The following TCERG1 variants were observed in gnomAD, a reference collection of about 807,000 sequenced individuals.
TCERG1 encodes TATA box binding protein (TBP)-associated factor, RNA polymerase II, S, 150kD.
In TCERG1, 37 loss-of-function variants were observed where a neutral mutation model predicts 144.7. The observed-to-expected ratio is 0.26, with a 90% CI of 0.20 to 0.34. The LOEUF is 0.34. Ranked by LOEUF, TCERG1 falls within the 10% of genes least tolerant of loss-of-function variation. TCERG1 has a pLI of 1.00. For synonymous variants in TCERG1, 492 were observed against 458.2 expected (o/e 1.07, Z -0.94); for missense variants, 1,027 against 1,380.7 (o/e 0.74, Z 4.06).
chr5:146,472,701 T>TTGTGTGTGTGTGTGTGTGTGTGTGTGTG lies in TCERG1; in HGVS notation c.1601+1152_1601+1153insGTGTGTGTGTGTGTGTGTGTGTGTGTGT, dbSNP rs59508893. On this transcript the variant is annotated intron_variant, in intron 9 of 22. Transcript: ENST00000679501. ...AAGGAAGAGTCACATACCTCTCACT[T>TTGTGTGTGTGTGTGTGTGTGTGTGTGTG]TGTGTGTGTGTGTGTGTGTGTGTGT... Among the ~76,000 whole-genome samples, 45 of 146,036 alleles carry TTGTGTGTGTGTGTGTGTGTGTGTGTGTG rather than the reference T, an allele frequency of 3.1e-4. 1 individual carries two copies. Among genetic ancestry groups the TTGTGTGTGTGTGTGTGTGTGTGTGTGTG allele is most frequent in the East Asian group, 2.9e-3 (13 of 4,456 alleles).
chr5:146,464,876 T>C (rs1318780291), intron 5 of TCERG1, among the ~76,000 whole-genome samples: 1 of 152,208 alleles, frequency 6.6e-6, no homozygotes, highest in Non-Finnish European at 1.5e-5. Context: ...GGTTGTCTTT[T>C]TCTTTGTGAC....
intron 21 of TCERG1, 78 bp from the exon 22 acceptor site, chr5:146,509,067 T>G: frequency 1.3e-6 from 1 of 765,640 alleles, no homozygotes; most frequent in East Asian, 2.7e-5. Context: ...ACATTACTGT[T>G]TAATAAATAA....
intron 14 of TCERG1, 141 bp downstream of exon 14, chr5:146,482,868 G>A (rs1765485532): frequency 5.0e-6 from 6 of 1,191,202 alleles, no homozygotes; most frequent in Non-Finnish European, 5.5e-6. Flanking sequence ...TACATTTTTT[G>A]CAACAGCCTT....
In TCERG1 at chr5:146,459,051, A is replaced by G. The variant is rs112714517; in HGVS notation, c.606A>G (p.Gln202=). The stretch of plus-strand genomic sequence containing the variant: ...AGGCGCAGGCTCAGGCCCAGGCACA[A>G]GCTCAGGCCCAGGCTCAGGCTCAGG... The part of the protein sequence containing the change: ...QAQAQAQAQA[Q]AQAQAQAQAQ... The change falls in exon 4 of 23, where the codon CAA becomes CAG. Residue 202 remains glutamine, a synonymous_variant. Transcript: ENST00000679501. 2.1e-3 allele frequency: 3,374 copies of G among 1,597,314 alleles called. 21 individuals are homozygous for G. In the African/African-American group the frequency reaches 0.022, roughly 10 times the overall value.
intron 2 of TCERG1, among the ~76,000 whole-genome samples, chr5:146,455,782 G>T (rs576303827): frequency 6.6e-6 from 1 of 152,170 alleles, no homozygotes; most frequent in Non-Finnish European, 1.5e-5. Context: ...CCCCTGGGGG[G>T]AAAATAGGGT....
At chr5:146,503,077 C>G (rs1767629816) in intron 17 of TCERG1, 1 of 159,982 alleles carries the variant, frequency 6.3e-6, no homozygotes, top group African/African-American at 2.4e-5. Flanking sequence ...CTAAAGTTAT[C>G]AACAATCTGA....
At chr5:146,487,537 G>A (rs1189466572) in intron 15 of TCERG1, among the ~76,000 whole-genome samples, 3 of 152,092 alleles carry the variant, frequency 2.0e-5, no homozygotes, top group Admixed American at 6.6e-5. Context: ...CTTGAGGCCA[G>A]GAGTTTGAGA....
intron 16 of TCERG1, among the ~76,000 whole-genome samples, chr5:146,496,896 CAG>C (rs1311955530): frequency 7.0e-5 from 8 of 113,584 alleles, no homozygotes; most frequent in African/African-American, 2.4e-4. Context: ...TTTTTTGAGA[CAG>C]AGTCTTGCTC....
At chr5:146,472,971 C>T (rs1161780836) in intron 9 of TCERG1, among the ~76,000 whole-genome samples, 1 of 152,086 alleles carries the variant, frequency 6.6e-6, no homozygotes, top group Non-Finnish European at 1.5e-5. Flanking sequence ...CCTTGGCCTC[C>T]CAAAGTGCTG....
intron 9 of TCERG1, among the ~76,000 whole-genome samples, chr5:146,475,597 A>G (rs1259470356): frequency 6.6e-6 from 1 of 151,978 alleles, no homozygotes; most frequent in Non-Finnish European, 1.5e-5. Context: ...CGATTAAATC[A>G]TTAACCCATT....
At chr5:146,494,793 G>A (rs184927567) in intron 16 of TCERG1, among the ~76,000 whole-genome samples, 133 of 152,198 alleles carry the variant, frequency 8.7e-4, no homozygotes, top group African/African-American at 2.7e-3. Context: ...AACTGTGCCT[G>A]TCTCTTGTAT....
chr5:146,493,700 C>G (rs41418650), intron 16 of TCERG1, among the ~76,000 whole-genome samples: 7,879 of 152,012 alleles, frequency 0.052, 284 homozygotes, highest in Middle Eastern at 0.11. Context: ...TACGTGATAC[C>G]TGTTTTATAT....
chr5:146,511,027 TG>T lies in TCERG1; in HGVS notation c.*389del, dbSNP rs549236142. On this transcript the variant is annotated 3_prime_UTR_variant, in exon 23 of 23. Coordinates refer to ENST00000679501, the MANE Select transcript of TCERG1 (RefSeq NM_001382548.1). ...CCACAGACTCCAAGAAAACCCGAGT[TG>T]GGGTTTGTTTTGTTTTGATTTTTTT... The T allele has an allele frequency of 3.2e-5, 5 of 157,974 alleles. No homozygotes were observed. The South Asian group carries it at 8.2e-4, about 26-fold the overall frequency. The allele number at this position is 157,974 out of a possible 1,614,324, so 9.8% of individuals were successfully genotyped here.
intron 21 of TCERG1, 126 bp from the exon 22 acceptor site, chr5:146,509,018 CT>C: frequency 1.9e-6 from 1 of 519,994 alleles, no homozygotes; most frequent in Non-Finnish European, 3.3e-6. Flanking sequence ...ACCCTGTTGC[CT>C]TTTTCTTTTG....
intron 14 of TCERG1, among the ~76,000 whole-genome samples, chr5:146,483,046 A>G (rs1020462541): frequency 1.3e-5 from 2 of 152,164 alleles, no homozygotes; most frequent in Non-Finnish European, 2.9e-5. Flanking sequence ...ATATATGATT[A>G]TTCTTCCTTT....
Position 146,500,721 on chromosome 5 carries a change from T to G in TCERG1, c.2433+2035T>G, listed in dbSNP as rs1767344933. ...GTTTTCCATTTTATTAAAAAGTGCC[T>G]GTAAAAGTCTACTTATTGACCAGGA... On this transcript the variant is annotated intron_variant, in intron 17 of 22. Coordinates refer to ENST00000679501, the MANE Select transcript of TCERG1 (RefSeq NM_001382548.1). Among the ~76,000 whole-genome samples the G allele has an allele frequency of 2.0e-5, 3 of 152,190 alleles. No homozygotes were observed. The South Asian group carries it at 6.2e-4, about 31-fold the overall frequency.
At chr5:146,504,160 T>G (rs1011289498) in intron 19 of TCERG1, 154 bp downstream of exon 19, 51 of 756,700 alleles carry the variant, frequency 6.7e-5, no homozygotes, top group Non-Finnish European at 9.1e-5. Context: ...GTATTAGTAC[T>G]GTTAGTATAG....
intron 9 of TCERG1, among the ~76,000 whole-genome samples, chr5:146,477,187 T>C (rs1432706232): frequency 6.6e-6 from 1 of 152,134 alleles, no homozygotes; most frequent in African/African-American, 2.4e-5. Context: ...GTTTTTTTTT[T>C]GTAGTTTATA....
intron 13 of TCERG1, chr5:146,481,589 A>G (rs970816330): frequency 2.0e-5 from 3 of 152,112 alleles, no homozygotes; most frequent in African/African-American, 7.2e-5. Flanking sequence ...GGCTACCTAC[A>G]GTTTCCTGTA....
Sources: allele counts gnomAD v4.1 joint callset (sites outside exome capture counted in the v4.1 genomes callset), GRCh38; gene constraint gnomAD v4.1.1; transcripts MANE v1.5; gene names NCBI Gene and HGNC (gene_info 2026-07-23, HGNC 2026-07-21).